Variants in BCL2L12 observed in about 807,000 individuals in gnomAD.
BCL2L12 encodes BCL2 like 12, also known as bcl-2-like protein 12.
A neutral mutation model predicts 25.7 loss-of-function variants in BCL2L12; 27 were observed. The observed-to-expected ratio is 1.05, with a 90% CI of 0.78 to 1.45. BCL2L12 has a LOEUF of 1.45. Ranked by LOEUF, BCL2L12 falls within the 40% of genes most tolerant of loss-of-function variation. The probability of loss-of-function intolerance (pLI) is 0.00; values close to 1 mark genes in which losing one functional copy is unlikely to be tolerated. For synonymous variants in BCL2L12, 132 were observed against 145.6 expected (o/e 0.91, Z 0.67); for missense variants, 302 against 329.8 (o/e 0.92, Z 0.65).
rs558865733 is a variant in BCL2L12 at position 49,667,650 on chromosome 19, G to A, written c.250+489G>A. ...GCTGCTGGGAGTGCTAGCTTGAAAA[G>A]GGGTTCACAGCTTGGGAGAGGAAGT... On this transcript the variant is annotated intron_variant, in intron 3 of 6. Coordinates refer to ENST00000246784, the MANE Select transcript of BCL2L12 (RefSeq NM_138639.2). 3.9e-5 allele frequency among the ~76,000 whole-genome samples: 6 copies of A among 152,306 alleles called. No individual in the cohort carries two copies. In the South Asian group the frequency reaches 1.2e-3, roughly 32 times the overall value.
Position 49,672,889 on chromosome 19 carries a change from A to G in BCL2L12, c.703-809A>G, listed in dbSNP as rs188411423. ...ATTTTATTTTATTTTAATTTTTCAG[A>G]TGGAGTCTCACTCTATTGCCCAGAC... On this transcript the variant is annotated intron_variant, in intron 6 of 6. Coordinates refer to ENST00000246784, the MANE Select transcript of BCL2L12 (RefSeq NM_138639.2). This position sits in a 1 kb window ranked among gnomAD's most constrained non-coding sequence, Gnocchi z 4.1. 1.3e-3 allele frequency among the ~76,000 whole-genome samples: 192 copies of G among 152,236 alleles called. No individual in the cohort carries two copies. The highest frequency in any genetic ancestry group is 4.5e-3 in the African/African-American group (188 of 41,546).
chr19:49,666,140 C>T (rs1214551480), intron 1 of BCL2L12, 73 bp downstream of exon 1: 3 of 1,481,230 alleles, frequency 2.0e-6, no homozygotes, highest in Non-Finnish European at 2.7e-6. Flanking sequence ...GTGGGCACCC[C>T]AGTCCCGCTT....
At chr19:49,665,814 C>A (rs909552758), upstream of BCL2L12, 1 of 1,584,584 alleles carries the variant, frequency 6.3e-7, no homozygotes, top group South Asian at 1.1e-5. Context: ...GGTAACAGAC[C>A]CAAAAGCCGA....
chr19:49,665,155 C>A, upstream of BCL2L12: 1 of 337,896 alleles, frequency 3.0e-6, no homozygotes. Flanking sequence ...TAAGTATCCC[C>A]ACTTTCAGGG....
At chr19:49,665,352 C>T, upstream of BCL2L12, 1 of 174,852 alleles carries the variant, frequency 5.7e-6, no homozygotes, top group Non-Finnish European at 1.2e-5. Context: ...CAGGACAGAG[C>T]ACGCCCCAGG....
chr19:49,667,326 TG>T (rs1337467908), intron 3 of BCL2L12, among the ~76,000 whole-genome samples, 165 bp downstream of exon 3: 1 of 152,184 alleles, frequency 6.6e-6, no homozygotes. Context: ...GTCAATTCTG[TG>T]GGTTGGCTTT....
intron 4 of BCL2L12, 33 bp from the exon 5 acceptor site, chr19:49,668,991 T>C (rs1181317697): frequency 6.2e-7 from 1 of 1,613,736 alleles, no homozygotes; most frequent in African/African-American, 1.3e-5. Flanking sequence ...TAGTCAGGGT[T>C]CTGCCCCCAG....
chr19:49,669,201 C>T, intron 5 of BCL2L12, 86 bp downstream of exon 5: 1 of 1,550,252 alleles, frequency 6.5e-7, no homozygotes, highest in East Asian at 2.4e-5. Context: ...TCTGTATTTT[C>T]TTTGGATGGT....
intron 6 of BCL2L12, among the ~76,000 whole-genome samples, chr19:49,671,243 A>C (rs1329911532): frequency 6.6e-6 from 1 of 152,086 alleles, no homozygotes; most frequent in Admixed American, 6.5e-5. Flanking sequence ...TGGGTGGATC[A>C]CTTGAGGTCA....
intron 6 of BCL2L12, among the ~76,000 whole-genome samples, chr19:49,671,595 G>A (rs80085948): frequency 0.018 from 2,791 of 152,214 alleles, 74 homozygotes; most frequent in East Asian, 0.058. Context: ...CTATGATTGC[G>A]CCACTGTACT....
intron 3 of BCL2L12, among the ~76,000 whole-genome samples, chr19:49,667,618 AG>A (rs2081846280): frequency 6.6e-6 from 1 of 152,230 alleles, no homozygotes; most frequent in Admixed American, 6.5e-5. Context: ...TGGACAGACT[AG>A]TAATGGCTGC....
rs760920742 is a variant in BCL2L12, at chr19:49,670,315, C to A, written c.529C>A (p.Arg177Ser). 1.2e-6 allele frequency: 2 copies of A among 1,607,318 alleles called. No individual in the cohort carries two copies. Among genetic ancestry groups the A allele is most frequent in the Admixed American group, 1.7e-5 (1 of 59,500 alleles). ...GTTCTGTAGCCGGGATGACAGCTCT[C>A]GCCCAAGCCGAGCATGCCCCGGGCC... The part of the protein sequence containing the change: ...ELFCSRDDSS[R>S]PSRACPGPPP... The change falls in exon 6 of 7, where the codon CGC (arginine) becomes AGC (serine). Residue 177 changes from arginine (R) to serine (S), a missense_variant. Transcript: ENST00000246784.
In BCL2L12 at chr19:49,669,043, G is replaced by A. The variant is rs758707020; in HGVS notation, c.357G>A (p.Ser119=). 8 of 1,613,964 alleles carry A rather than the reference G, an allele frequency of 5.0e-6. No homozygotes were observed. Among genetic ancestry groups the A allele is most frequent in the Admixed American group, 1.7e-5 (1 of 59,990 alleles). Residue 119 remains serine (S), a synonymous_variant, in exon 5 of 7, where the codon TCG becomes TCA. Transcript: ENST00000246784. ...PPSPELQGPP[S]TEKEAILRRL... ...CTCCAGAATTACAGGGTCCCCCATC[G>A]ACAGAGAAGGAAGCCATACTGCGGA...
At chr19:49,667,337 T>C (rs1248899521) in intron 3 of BCL2L12, among the ~76,000 whole-genome samples, 176 bp downstream of exon 3, 3 of 152,202 alleles carry the variant, frequency 2.0e-5, no homozygotes, top group African/African-American at 7.2e-5. Flanking sequence ...GGGTTGGCTT[T>C]CAGAGAGCAT....
chr19:49,666,478 C>T (rs1446726397), intron 1 of BCL2L12, among the ~76,000 whole-genome samples: 2 of 152,202 alleles, frequency 1.3e-5, no homozygotes, highest in Admixed American at 6.5e-5. Context: ...CACCCAGCCC[C>T]ACCACCTTTC....
intron 6 of BCL2L12, among the ~76,000 whole-genome samples, chr19:49,673,289 C>G (rs1281204269): frequency 6.6e-6 from 1 of 152,006 alleles, no homozygotes; most frequent in Non-Finnish European, 1.5e-5. Flanking sequence ...TCATGGGGCT[C>G]TTATTGTCCT....
Position 49,670,336 on chromosome 19 carries a change from G to A in BCL2L12, c.550G>A (p.Gly184Arg), listed in dbSNP as rs369243932. ...DSSRPSRACP[G>R]PPPPSPEPLA... ...CTCTCGCCCAAGCCGAGCATGCCCC[G>A]GGCCCCCGCCTCCTTCCCCGGAGCC... The change falls in exon 6 of 7, where the codon GGG becomes AGG. Residue 184 changes from glycine to arginine, a missense_variant. By Grantham distance (125) the Gly-to-Arg change is moderately radical. Transcript: ENST00000246784. 4.4e-5 allele frequency: 71 copies of A among 1,601,398 alleles called. No individual in the cohort carries two copies. Among genetic ancestry groups the A allele is most frequent in the Non-Finnish European group, 5.4e-5 (63 of 1,175,430 alleles).
upstream of BCL2L12, chr19:49,665,592 C>CA (rs749812038): frequency 1.5e-5 from 8 of 543,976 alleles, no homozygotes; most frequent in Admixed American, 3.2e-5. Context: ...TCCTCGCTCT[C>CA]GGACGCCACC....
At chr19:49,666,171 G>C (rs963808184) in intron 1 of BCL2L12, 104 bp downstream of exon 1, 11 of 1,392,816 alleles carry the variant, frequency 7.9e-6, no homozygotes, top group Non-Finnish European at 1.1e-5. Flanking sequence ...CAAGGGTCCA[G>C]GGTCCTCTAG....
Sources: gnomAD v4.1 joint callset for allele counts (sites outside exome capture counted in the v4.1 genomes callset) on GRCh38, gnomAD v4.1.1 for gene constraint, Gnocchi (gnomAD v3.1) non-coding constraint, MANE v1.5 for transcripts, NCBI Gene and HGNC (gene_info 2026-07-23, HGNC 2026-07-21) for gene names.